NRG3: variants seen among roughly 807,000 people sequenced by gnomAD.
NRG3 encodes the protein pro-neuregulin-3, membrane-bound isoform.
NRG3 carries 31 observed loss-of-function variants against 66.9 expected under a neutral mutation model. The ratio of observed to expected loss-of-function variants is 0.46; its 90% confidence interval spans 0.35 to 0.63. The LOEUF is 0.63. NRG3 is among the 20% of genes least tolerant of loss of function. NRG3 has a pLI of 0.00. For synonymous variants in NRG3, 393 were observed against 359.4 expected (o/e 1.09, Z -1.06); for missense variants, 910 against 878.9 (o/e 1.04, Z -0.45).
intron 2 of NRG3, among the ~76,000 whole-genome samples, chr10:82,547,090 G>A (rs979809110): frequency 3.3e-5 from 5 of 152,054 alleles, no homozygotes; most frequent in East Asian, 1.9e-4. Context: ...TTACTCAAAA[G>A]TGTCAGCACA....
intron 1 of NRG3, among the ~76,000 whole-genome samples, chr10:82,133,780 G>A (rs773595171): frequency 3.3e-5 from 5 of 151,946 alleles, no homozygotes; most frequent in African/African-American, 4.8e-5. Flanking sequence ...GTATATACCC[G>A]GTAATGGGAT....
At chr10:82,658,321 A>C (rs989430024) in intron 2 of NRG3, among the ~76,000 whole-genome samples, 6 of 152,168 alleles carry the variant, frequency 3.9e-5, no homozygotes, top group African/African-American at 1.2e-4. Context: ...CAAATGAGAA[A>C]ACTTATTTAA....
intron 2 of NRG3, among the ~76,000 whole-genome samples, chr10:82,494,274 T>G (rs975783417): frequency 2.0e-5 from 3 of 152,214 alleles, no homozygotes; most frequent in Admixed American, 2.0e-4. Flanking sequence ...ATAATTAGTT[T>G]TTTATCTTCT....
intron 4 of NRG3, among the ~76,000 whole-genome samples, chr10:82,944,780 T>C (rs1848862304): frequency 1.3e-5 from 2 of 152,134 alleles, no homozygotes; most frequent in Non-Finnish European, 2.9e-5. Flanking sequence ...AGAGAAAATG[T>C]TCGAAAACAT....
chr10:82,367,809 C>T (rs939382484), intron 2 of NRG3, among the ~76,000 whole-genome samples: 1 of 152,060 alleles, frequency 6.6e-6, no homozygotes. Context: ...GCCTGGCCAA[C>T]GTGGCAAAAC....
intron 1 of NRG3, among the ~76,000 whole-genome samples, chr10:82,118,636 C>T (rs1439108305): frequency 6.6e-6 from 1 of 152,042 alleles, no homozygotes; most frequent in East Asian, 1.9e-4. Context: ...ACCTTGTTTT[C>T]TCTGAAATTT....
At chr10:82,557,671 A>T (rs2044739150) in intron 2 of NRG3, among the ~76,000 whole-genome samples, 1 of 152,072 alleles carries the variant, frequency 6.6e-6, no homozygotes, top group African/African-American at 2.4e-5. Flanking sequence ...CTTGATCATG[A>T]GCCTGACACT....
intron 2 of NRG3, among the ~76,000 whole-genome samples, chr10:82,535,902 CT>C (rs34319022): frequency 0.49 from 64,583 of 132,806 alleles, 15,473 homozygotes; most frequent in South Asian, 0.69. Flanking sequence ...TTAAAGTAGT[CT>C]TTTTTTTTTT....
chr10:82,613,808 G>A (rs2048462338), intron 2 of NRG3, among the ~76,000 whole-genome samples: 1 of 149,606 alleles, frequency 6.7e-6, no homozygotes, highest in Non-Finnish European at 1.5e-5. Flanking sequence ...TTTAGCATTA[G>A]GTATATCTCC....
intron 1 of NRG3, among the ~76,000 whole-genome samples, chr10:82,298,915 T>C (rs1245557420): frequency 3.3e-5 from 5 of 152,170 alleles, no homozygotes; most frequent in African/African-American, 1.2e-4. Flanking sequence ...AGAGGCCTTC[T>C]GTAGAAAGAG....
At chr10:82,537,934 C>T (rs949692130) in intron 2 of NRG3, among the ~76,000 whole-genome samples, 1 of 152,020 alleles carries the variant, frequency 6.6e-6, no homozygotes, top group Non-Finnish European at 1.5e-5. Context: ...AGTGTTGCTG[C>T]CTCAGATTTG....
At chr10:82,706,701 T>A (rs2056311849) in intron 2 of NRG3, among the ~76,000 whole-genome samples, 1 of 152,140 alleles carries the variant, frequency 6.6e-6, no homozygotes, top group Non-Finnish European at 1.5e-5. Flanking sequence ...CAAAAAGAAA[T>A]ATAAATTTGA....
chr10:81,951,067 T>C (rs1375661221), intron 1 of NRG3, among the ~76,000 whole-genome samples: 2 of 152,190 alleles, frequency 1.3e-5, no homozygotes, highest in Admixed American at 6.5e-5. Context: ...GGTTAGAACA[T>C]CAGCATTTAT....
At chr10:82,118,242 C>G in intron 1 of NRG3, among the ~76,000 whole-genome samples, 1 of 149,926 alleles carries the variant, frequency 6.7e-6, no homozygotes, top group East Asian at 2.0e-4. Flanking sequence ...ACTAAAAAAT[C>G]TATATGTGCT....
At chr10:82,337,908 C>T (rs1300976947) in intron 1 of NRG3, among the ~76,000 whole-genome samples, 1 of 152,060 alleles carries the variant, frequency 6.6e-6, no homozygotes, top group African/African-American at 2.4e-5. Context: ...AATCATATTA[C>T]ATAAATAAGA....
chr10:82,336,446 AT>A (rs2082390324), intron 1 of NRG3, among the ~76,000 whole-genome samples: 2 of 152,068 alleles, frequency 1.3e-5, no homozygotes, highest in Non-Finnish European at 2.9e-5. Context: ...TTAAATTGGA[AT>A]TTCTGTTAAA....
chr10:82,871,432 T>A (rs566559915), intron 4 of NRG3, among the ~76,000 whole-genome samples: 45 of 152,266 alleles, frequency 3.0e-4, no homozygotes, highest in African/African-American at 1.0e-3. Flanking sequence ...AATGTTAGAA[T>A]CAGTTTATGA....
intron 1 of NRG3, among the ~76,000 whole-genome samples, chr10:81,925,887 A>G (rs2132927309): frequency 6.6e-6 from 1 of 152,228 alleles, no homozygotes; most frequent in African/African-American, 2.4e-5. Context: ...CTGATTAAAC[A>G]TCAGGGAGAC....
At chr10:82,379,534 A>G (rs2085473623) in intron 2 of NRG3, among the ~76,000 whole-genome samples, 1 of 152,194 alleles carries the variant, frequency 6.6e-6, no homozygotes, top group Non-Finnish European at 1.5e-5. Flanking sequence ...TTACTGGACT[A>G]TTATGAGGAT....
Sources: allele counts gnomAD v4.1 joint callset (sites outside exome capture counted in the v4.1 genomes callset), GRCh38; gene constraint gnomAD v4.1.1; transcripts MANE v1.5; gene names NCBI Gene and HGNC (gene_info 2026-07-23, HGNC 2026-07-21).